Variants in SORCS1 observed in about 807,000 individuals in gnomAD.
SORCS1 encodes sortilin related VPS10 domain containing receptor 1.
SORCS1 carries 60 observed loss-of-function variants against 146.1 expected under a neutral mutation model. The observed-to-expected ratio is 0.41, with a 90% confidence interval of 0.33 to 0.51. The LOEUF is 0.51. Ranked by LOEUF, SORCS1 falls within the 20% of genes least tolerant of loss-of-function variation. The probability of loss-of-function intolerance (pLI) is 0.21; values close to 1 mark genes in which losing one functional copy is unlikely to be tolerated. For missense variants in SORCS1, 1,352 were observed against 1,487.6 expected (o/e 0.91, Z 1.50); for synonymous variants, 637 against 584.0 (o/e 1.09, Z -1.31).
intron 3 of SORCS1, among the ~76,000 whole-genome samples, chr10:106,800,077 C>T (rs964850324): frequency 6.6e-6 from 1 of 152,136 alleles, no homozygotes; most frequent in African/African-American, 2.4e-5. Flanking sequence ...TGTCTGCCTG[C>T]CCTATTTTTC....
At chr10:106,765,180 CT>C (rs1439078038) in intron 4 of SORCS1, among the ~76,000 whole-genome samples, 1 of 152,136 alleles carries the variant, frequency 6.6e-6, no homozygotes. Context: ...AAAATCCTTT[CT>C]GTGTAAAATC....
chr10:106,578,552 A>T, intron 25 of SORCS1: 3 of 556,910 alleles, frequency 5.4e-6, no homozygotes, highest in Non-Finnish European at 6.8e-6. Context: ...GAAAGTTCCT[A>T]GACTACCAAT....
chr10:106,995,998 G>C (rs73371916), intron 1 of SORCS1, among the ~76,000 whole-genome samples: 7,330 of 152,050 alleles, frequency 0.048, 587 homozygotes, highest in African/African-American at 0.16. Context: ...GGAGGCCGAA[G>C]CGGGTAGATC....
intron 2 of SORCS1, among the ~76,000 whole-genome samples, chr10:106,873,913 C>T (rs1178160342): frequency 2.6e-5 from 4 of 152,202 alleles, no homozygotes; most frequent in Non-Finnish European, 5.9e-5. Context: ...GCTCTGAAGT[C>T]GCCAATGCAG....
intron 1 of SORCS1, among the ~76,000 whole-genome samples, chr10:107,078,489 A>G (rs1963068537): frequency 6.6e-6 from 1 of 152,200 alleles, no homozygotes; most frequent in Non-Finnish European, 1.5e-5. Flanking sequence ...CTTCTTGCCC[A>G]GATCTCAGGC....
the SORCS1 span, among the ~76,000 whole-genome samples, chr10:107,173,601 G>C: frequency 6.6e-6 from 1 of 152,024 alleles, no homozygotes; most frequent in Non-Finnish European, 1.5e-5. Flanking sequence ...TATGGCTAAT[G>C]CTTTTTATTT....
intron 3 of SORCS1, among the ~76,000 whole-genome samples, chr10:106,782,539 G>C (rs765061703): frequency 8.5e-5 from 13 of 152,206 alleles, no homozygotes; most frequent in African/African-American, 2.7e-4. Context: ...GAGTCATTCA[G>C]TACCTCTTGG....
intron 2 of SORCS1, among the ~76,000 whole-genome samples, chr10:106,912,315 C>T (rs193063594): frequency 3.4e-5 from 4 of 117,590 alleles, no homozygotes; most frequent in South Asian, 3.3e-4. Context: ...CAAAACAAAA[C>T]GAAGCAAAAC....
In SORCS1 at chr10:106,877,815, A is replaced by G. The variant is rs996279854; in HGVS notation, c.627-48142T>C. On this transcript the variant is annotated intron_variant, in intron 2 of 25. Coordinates refer to ENST00000263054, the MANE Select transcript of SORCS1 (RefSeq NM_052918.5). ...TGGTGCAGAGAAGAGAGGCAATGGGAGGAGACATGCCACAAAAAAGCAGGC... is the reference window on the plus strand; with the variant it reads ...TGGTGCAGAGAAGAGAGGCAATGGGGGGAGACATGCCACAAAAAAGCAGGC... 2.6e-5 allele frequency among the ~76,000 whole-genome samples: 4 copies of G among 152,268 alleles called. No individual in the cohort carries two copies. In the East Asian group the frequency reaches 5.8e-4, roughly 22 times the overall value.
At chr10:107,080,028 C>G (rs1162827413) in intron 1 of SORCS1, among the ~76,000 whole-genome samples, 1 of 152,202 alleles carries the variant, frequency 6.6e-6, no homozygotes, top group African/African-American at 2.4e-5. Flanking sequence ...TGAAATTCCT[C>G]AGAGACACAA....
chr10:107,000,059 T>C (rs1415266238), intron 1 of SORCS1, among the ~76,000 whole-genome samples: 1 of 152,150 alleles, frequency 6.6e-6, no homozygotes, highest in Non-Finnish European at 1.5e-5. Flanking sequence ...AACTCACCTA[T>C]GATAGGGCAG....
rs533202967 is a variant in SORCS1, at chr10:106,713,634, C to T, written c.1025-4293G>A. Among the ~76,000 whole-genome samples, 154 of 152,304 alleles carry T rather than the reference C, an allele frequency of 1.0e-3. 1 individual carries two copies. Among genetic ancestry groups the T allele is most frequent in the African/African-American group, 3.6e-3 (149 of 41,568 alleles). ...ACATAGCTATAGCACGTTTAGTCTT[C>T]ACAACACTGCAGAGTATACCAACTG... On this transcript the variant is annotated intron_variant, in intron 6 of 25. Coordinates refer to ENST00000263054, the MANE Select transcript of SORCS1 (RefSeq NM_052918.5).
chr10:106,720,115 C>T (rs1855678974), intron 6 of SORCS1, among the ~76,000 whole-genome samples: 1 of 152,182 alleles, frequency 6.6e-6, no homozygotes, highest in Non-Finnish European at 1.5e-5. Flanking sequence ...TTTGTAGCTC[C>T]ACTTCTCATA....
intron 1 of SORCS1, among the ~76,000 whole-genome samples, chr10:107,063,902 C>G (rs1489170309): frequency 1.3e-5 from 2 of 152,104 alleles, no homozygotes; most frequent in Non-Finnish European, 2.9e-5. Context: ...AATCTGAGTG[C>G]ATTTTAAAAT....
chr10:107,159,561 T>C (rs1436351704), intron 1 of SORCS1, among the ~76,000 whole-genome samples: 3 of 152,098 alleles, frequency 2.0e-5, no homozygotes, highest in Non-Finnish European at 4.4e-5. Flanking sequence ...CGATGTCGCC[T>C]CCTGAGGAAA....
At chr10:106,808,694 G>T (rs1477483727) in intron 3 of SORCS1, among the ~76,000 whole-genome samples, 1 of 152,014 alleles carries the variant, frequency 6.6e-6, no homozygotes, top group Non-Finnish European at 1.5e-5. Context: ...AGTAGAGACG[G>T]GGTTTCACTG....
chr10:107,007,844 T>C (rs6584778), intron 1 of SORCS1, among the ~76,000 whole-genome samples: 22,633 of 151,954 alleles, frequency 0.15, 5,521 homozygotes, highest in African/African-American at 0.51. Flanking sequence ...TTGATAGCTG[T>C]GCAATAACAA....
At position 106,688,195 on chromosome 10, in the gene SORCS1, C is replaced by G. The variant is rs779137691; in HGVS notation, c.1557G>C (p.Leu519Phe). The change falls in exon 10 of 26, where the codon TTG becomes TTC. Residue 519 changes from leucine (L) to phenylalanine (F), a missense_variant. Physicochemically the swap from Leu to Phe is conservative, Grantham distance 22. Coordinates refer to ENST00000263054, the MANE Select transcript of SORCS1 (RefSeq NM_052918.5). The part of the protein sequence containing the change: ...TDLRGDPVHC[L>F]LPYCSLHLHL... Reference sequence around the variant, plus strand: ...CTGCTTCAATAGGAAGACTCACCAGCAAGCAGTGCACGGGGTCCCCCCTTA... The same window carrying G: ...CTGCTTCAATAGGAAGACTCACCAGGAAGCAGTGCACGGGGTCCCCCCTTA... 3 of 1,612,486 alleles carry G rather than the reference C, an allele frequency of 1.9e-6. No individual in the cohort carries two copies. The highest frequency in any genetic ancestry group is 2.5e-6 in the Non-Finnish European group (3 of 1,179,336).
chr10:107,065,453 T>TTTCTTTCTTTCTTTCTTTTCA (rs1961704660), intron 1 of SORCS1, among the ~76,000 whole-genome samples: 1 of 139,790 alleles, frequency 7.2e-6, no homozygotes, highest in Non-Finnish European at 1.6e-5. Flanking sequence ...CTTTCTTTTC[T>TTTCTTTCTTTCTTTCTTTTCA]CTCTTTCTCT....
Sources: allele counts gnomAD v4.1 joint callset (sites outside exome capture counted in the v4.1 genomes callset), GRCh38; gene constraint gnomAD v4.1.1; transcripts MANE v1.5; gene names NCBI Gene and HGNC (gene_info 2026-07-23, HGNC 2026-07-21).